Variants in PAMR1 observed in about 807,000 individuals in gnomAD.
PAMR1 encodes inactive serine protease PAMR1.
In PAMR1, 88 loss-of-function variants were observed where a neutral mutation model predicts 81.8. The observed-to-expected ratio is 1.08, with a 90% CI of 0.91 to 1.28. The LOEUF is 1.28. PAMR1 is among the 50% of genes most tolerant of loss of function. PAMR1 has a pLI of 0.00. For missense variants in PAMR1, 935 were observed against 919.7 expected (o/e 1.02, Z -0.21); for synonymous variants, 336 against 345.3 (o/e 0.97, Z 0.30).
At position 35,434,767 on chromosome 11, in the gene PAMR1, G is replaced by T; in HGVS notation, c.1371C>A (p.Thr457=). ...GKIENITAPK[T]QGLRWPWQAA... ...CCTGCCACGGCCAGCGCAACCCTTG[G>T]GTCTTTGGAGCAGTGATGTTCTCAA... Residue 457 remains threonine (T), a synonymous_variant, in exon 10 of 11, where the codon ACC becomes ACA. Coordinates refer to ENST00000619888, the MANE Select transcript of PAMR1 (RefSeq NM_001001991.3). 6.2e-7 allele frequency: 1 copy of T among 1,614,002 alleles called. No homozygotes were observed. Among genetic ancestry groups the T allele is most frequent in the Non-Finnish European group, 8.5e-7 (1 of 1,179,988 alleles).
chr11:35,506,931 G>T (rs372614922), intron 1 of PAMR1, among the ~76,000 whole-genome samples: 1 of 147,724 alleles, frequency 6.8e-6, no homozygotes. Flanking sequence ...ACTCTCTCTC[G>T]GATACCAATA....
At chr11:35,490,930 T>C (rs1218616011) in intron 3 of PAMR1, among the ~76,000 whole-genome samples, 1 of 152,226 alleles carries the variant, frequency 6.6e-6, no homozygotes, top group Non-Finnish European at 1.5e-5. Flanking sequence ...GTCTGTTTCA[T>C]TCTAGAGCTT....
rs764814705 is a variant in PAMR1, at chr11:35,436,008, G to C, written c.1228C>G (p.Leu410Val). The C allele has an allele frequency of 1.2e-6, 2 of 1,614,042 alleles. No homozygotes were observed. The highest frequency in any genetic ancestry group is 1.3e-5 in the African/African-American group (1 of 74,922). ...AAGGGTGAGATGCACTCATACTGGA[G>C]CTGGGTATGCAGATGTTGGTATCCC... is the stretch of plus-strand genomic sequence containing the variant. ...PMGYQHLHTQLQYECISPFYR... is the reference protein window; with the variant it reads ...PMGYQHLHTQVQYECISPFYR... The change falls in exon 9 of 11, where the codon CTC becomes GTC. Residue 410 changes from leucine (L) to valine (V), a missense_variant. Coordinates refer to ENST00000619888, the MANE Select transcript of PAMR1 (RefSeq NM_001001991.3).
At chr11:35,519,446 T>A (rs541416176) in intron 1 of PAMR1, among the ~76,000 whole-genome samples, 1 of 152,114 alleles carries the variant, frequency 6.6e-6, no homozygotes, top group South Asian at 2.1e-4. Context: ...GAATAAATGG[T>A]CTCATTAGCA....
At position 35,444,584 on chromosome 11, in the gene PAMR1, A is replaced by G. The variant is rs939195420; in HGVS notation, c.821-2891T>C. Among the ~76,000 whole-genome samples, 18 of 152,308 alleles carry G rather than the reference A, an allele frequency of 1.2e-4. No individual in the cohort carries two copies. The East Asian group carries it at 3.1e-3, about 26-fold the overall frequency. Reference sequence around the variant, plus strand: ...ATGCCTAGCCAGTTCTCCCAGTACCATGTATTAAACAGGGTATCCTTTCCT... The same window carrying G: ...ATGCCTAGCCAGTTCTCCCAGTACCGTGTATTAAACAGGGTATCCTTTCCT... On this transcript the variant is annotated intron_variant, in intron 6 of 10. Coordinates refer to ENST00000619888, the MANE Select transcript of PAMR1 (RefSeq NM_001001991.3).
At chr11:35,496,465 C>T (rs1850728054) in intron 1 of PAMR1, among the ~76,000 whole-genome samples, 1 of 152,114 alleles carries the variant, frequency 6.6e-6, no homozygotes, top group South Asian at 2.1e-4. Flanking sequence ...CTTGAATAGA[C>T]ATTTCTCCAA....
Position 35,436,001 on chromosome 11 carries a change from T to C in PAMR1, c.1235A>G (p.Tyr412Cys). 1 of 1,614,168 alleles carries C rather than the reference T, an allele frequency of 6.2e-7. No individual in the cohort carries two copies. The highest frequency in any genetic ancestry group is 8.5e-7 in the Non-Finnish European group (1 of 1,180,020). The stretch of plus-strand genomic sequence containing the variant: ...GCGGTAGAAGGGTGAGATGCACTCA[T>C]ACTGGAGCTGGGTATGCAGATGTTG... ...GYQHLHTQLQ[Y>C]ECISPFYRRL... Residue 412 changes from tyrosine to cysteine, a missense_variant, in exon 9 of 11, where the codon TAT (tyrosine) becomes TGT (cysteine). By Grantham distance (194) the Tyr-to-Cys change is radical (BLOSUM62 -2). Coordinates refer to ENST00000619888, the MANE Select transcript of PAMR1 (RefSeq NM_001001991.3).
chr11:35,461,190 C>T (rs1250817091), intron 6 of PAMR1, among the ~76,000 whole-genome samples: 1 of 152,184 alleles, frequency 6.6e-6, no homozygotes, highest in Non-Finnish European at 1.5e-5. Flanking sequence ...TCTCAGTGAC[C>T]TCATCTGCCA....
intron 1 of PAMR1, among the ~76,000 whole-genome samples, chr11:35,499,503 C>T (rs1049317365): frequency 6.6e-6 from 1 of 152,186 alleles, no homozygotes; most frequent in Non-Finnish European, 1.5e-5. Flanking sequence ...TGTACATCAA[C>T]ATGGAAGGCC....
chr11:35,507,306 C>G (rs1438977086), intron 1 of PAMR1, among the ~76,000 whole-genome samples: 1 of 152,056 alleles, frequency 6.6e-6, no homozygotes, highest in Non-Finnish European at 1.5e-5. Context: ...CTTGGCCTCC[C>G]AAAGCACTGG....
At chr11:35,476,244 C>A (rs67367407) in intron 3 of PAMR1, among the ~76,000 whole-genome samples, 16,301 of 152,204 alleles carry the variant, frequency 0.11, 984 homozygotes, top group Non-Finnish European at 0.15. Flanking sequence ...TCCATCATCT[C>A]TCTCTGTAAT....
chr11:35,506,656 C>T (rs581660), intron 1 of PAMR1, among the ~76,000 whole-genome samples: 47,417 of 151,446 alleles, frequency 0.31, 7,503 homozygotes, highest in African/African-American at 0.37. Context: ...GTGGTTTCCA[C>T]TCAGAAGTCT....
At position 35,434,574 on chromosome 11, in the gene PAMR1, C is replaced by G; in HGVS notation, c.1564G>C (p.Val522Leu). The G allele has an allele frequency of 1.9e-6, 3 of 1,614,114 alleles. No individual in the cohort carries two copies. In the Admixed American group the frequency reaches 5.0e-5, roughly 27 times the overall value. Residue 522 changes from valine (V) to leucine (L), a missense_variant, in exon 10 of 11, where the codon GTT becomes CTT. By Grantham distance (32) the Val-to-Leu change is conservative. Coordinates refer to ENST00000619888, the MANE Select transcript of PAMR1 (RefSeq NM_001001991.3). ...VTMIKTADLK[V>L]VLGKFYRDDD... ...TCCCGGTAGAATTTCCCCAAAACAA[C>G]TTTCAGGTCTGCTGTCTTGATCATG...
chr11:35,432,562 C>A lies in PAMR1; in HGVS notation c.1957G>T (p.Glu653Ter). ...CAGATATCAGAAGGGGCAGTGGGTT[C>A]CCAGCTGGCACAGAACATGTTATCA... Reference protein sequence around the residue: ...VTDNMFCASWEPTAPSDICTA... With the variant: ...VTDNMFCASW The change falls in exon 11 of 11, where the codon GAA (glutamate) becomes TAA (stop). Residue 653 changes from glutamate to a stop codon, truncating the protein, a stop_gained. Coordinates refer to ENST00000619888, the MANE Select transcript of PAMR1 (RefSeq NM_001001991.3). LOFTEE classifies it high-confidence loss of function. 6.2e-7 allele frequency: 1 copy of A among 1,614,220 alleles called. No individual in the cohort carries two copies. The highest frequency in any genetic ancestry group is 8.5e-7 in the Non-Finnish European group (1 of 1,180,042).
At position 35,435,914 on chromosome 11, in the gene PAMR1, G is replaced by A. The variant is rs2135334921; in HGVS notation, c.1322C>T (p.Ser441Phe). 6.2e-7 allele frequency: 1 copy of A among 1,613,016 alleles called. No homozygotes were observed. The change falls in exon 9 of 11, where the codon TCC becomes TTC. Residue 441 changes from serine to phenylalanine, a missense_variant. Coordinates refer to ENST00000619888, the MANE Select transcript of PAMR1 (RefSeq NM_001001991.3). ...RTGKWSGRAPSCIPICGKIEN... is the reference protein window; with the variant it reads ...RTGKWSGRAPFCIPICGKIEN... ...GAGCCTTGACTCACTAGGGATGCAG[G>A]ATGGTGCCCGCCCACTCCACTTCCC...
At chr11:35,470,317 C>G (rs1325352372) in intron 5 of PAMR1, among the ~76,000 whole-genome samples, 1 of 152,174 alleles carries the variant, frequency 6.6e-6, no homozygotes, top group Non-Finnish European at 1.5e-5. Context: ...GGTACAAATC[C>G]CTAGTTCTGC....
chr11:35,477,743 G>A (rs1850308605), intron 3 of PAMR1, among the ~76,000 whole-genome samples: 1 of 152,144 alleles, frequency 6.6e-6, no homozygotes, highest in Admixed American at 6.5e-5. Flanking sequence ...TAGTATCAAC[G>A]CTGAGTCTTT....
At chr11:35,498,871 G>C (rs770951938) in intron 1 of PAMR1, among the ~76,000 whole-genome samples, 1 of 152,094 alleles carries the variant, frequency 6.6e-6, no homozygotes, top group African/African-American at 2.4e-5. Flanking sequence ...ACACCCCTTC[G>C]ATCCCATCCG....
chr11:35,525,408 G>T, intron 1 of PAMR1, 105 bp downstream of exon 1: 2 of 889,834 alleles, frequency 2.2e-6, no homozygotes, highest in Non-Finnish European at 3.6e-6. Context: ...AACACACACA[G>T]CCCACCTCCT....
Sources: gnomAD v4.1 joint callset for allele counts (sites outside exome capture counted in the v4.1 genomes callset) on GRCh38, gnomAD v4.1.1 for gene constraint, MANE v1.5 for transcripts, NCBI Gene and HGNC (gene_info 2026-07-23, HGNC 2026-07-21) for gene names.